Variants in SRD5A1 observed in about 807,000 individuals in gnomAD.
SRD5A1 encodes the protein 3-oxo-5-alpha-steroid 4-dehydrogenase 1.
A neutral mutation model predicts 28.2 loss-of-function variants in SRD5A1; 22 were observed. The observed-to-expected ratio is 0.78, with a 90% CI of 0.56 to 1.12. The LOEUF (loss-of-function observed/expected upper bound fraction) is 1.12, where lower values mean the gene tolerates loss of function less well. SRD5A1 is among the 50% of genes most tolerant of loss of function. The pLI is 0.00. For missense variants in SRD5A1, 300 were observed against 346.7 expected (o/e 0.87, Z 1.07); for synonymous variants, 151 against 135.0 (o/e 1.12, Z -0.82).
chr5:6,649,107 GA>G (rs1738589518), intron 1 of SRD5A1, among the ~76,000 whole-genome samples: 1 of 152,140 alleles, frequency 6.6e-6, no homozygotes, highest in South Asian at 2.1e-4. Flanking sequence ...CTTCATCCCA[GA>G]GGGGCACCCG....
At chr5:6,661,058 A>G (rs1200990039) in intron 3 of SRD5A1, among the ~76,000 whole-genome samples, 1 of 152,154 alleles carries the variant, frequency 6.6e-6, no homozygotes, top group Non-Finnish European at 1.5e-5. Flanking sequence ...CTTCAAGATG[A>G]GATTGGGTGG....
rs2126561053 is a variant in SRD5A1, at chr5:6,671,879, C to T, written c.*3611C>T. 1 of 152,332 alleles carries T rather than the reference C, an allele frequency of 6.6e-6. No individual in the cohort carries two copies. The highest frequency in any genetic ancestry group is 2.4e-5 in the African/African-American group (1 of 41,566). 9.4% of individuals were successfully genotyped at this position (152,332 alleles called of 1,614,324 possible). ...CCAGGTCCTCTCTCCACCACTGAGC[C>T]TCGTGGGGACATAAAGAGCTGCCTG... On this transcript the variant is annotated 3_prime_UTR_variant, in exon 5 of 5. Transcript: ENST00000274192.
intron 4 of SRD5A1, among the ~76,000 whole-genome samples, chr5:6,666,582 T>G (rs1020374526): frequency 6.6e-6 from 1 of 152,252 alleles, no homozygotes; most frequent in Non-Finnish European, 1.5e-5. Context: ...TGTGCTGGGT[T>G]GCTAACAAAT....
At chr5:6,647,744 A>G (rs370395232) in intron 1 of SRD5A1, among the ~76,000 whole-genome samples, 22 of 152,234 alleles carry the variant, frequency 1.4e-4, no homozygotes, top group South Asian at 1.2e-3. Flanking sequence ...GTGTCTTTTA[A>G]TTGGGGCATT....
At chr5:6,641,445 G>T (rs904310956) in intron 1 of SRD5A1, among the ~76,000 whole-genome samples, 6 of 152,216 alleles carry the variant, frequency 3.9e-5, no homozygotes, top group African/African-American at 1.4e-4. Flanking sequence ...CCTTGGAGCG[G>T]AGTGCTAGGT....
chr5:6,650,408 C>G (rs1293274327), intron 1 of SRD5A1, among the ~76,000 whole-genome samples: 2 of 136,270 alleles, frequency 1.5e-5, no homozygotes, highest in Non-Finnish European at 3.1e-5. Flanking sequence ...AAGACCCTGT[C>G]TTGAAAAAAA....
intron 1 of SRD5A1, among the ~76,000 whole-genome samples, chr5:6,650,495 A>G (rs1330297098): frequency 6.6e-6 from 1 of 152,040 alleles, no homozygotes; most frequent in Admixed American, 6.6e-5. Context: ...TGTGTTATAC[A>G]CTTATATTAA....
intron 3 of SRD5A1, among the ~76,000 whole-genome samples, chr5:6,661,602 G>A (rs1372221548): frequency 7.8e-5 from 11 of 141,328 alleles, no homozygotes; most frequent in African/African-American, 1.9e-4. Context: ...GCACGATCTC[G>A]GCTCATTGCA....
chr5:6,645,707 C>T (rs371434739), intron 1 of SRD5A1, among the ~76,000 whole-genome samples: 1 of 152,034 alleles, frequency 6.6e-6, no homozygotes, highest in Non-Finnish European at 1.5e-5. Context: ...TAATCATCAC[C>T]GCAAATCAAG....
chr5:6,662,903 A>G lies in SRD5A1; in HGVS notation c.650A>G (p.Gln217Arg). ...CGYALASWSV[Q>R]GAAFAFFTFC... ...TATGCCCTGGCCAGCTGGTCTGTCC[A>G]AGGCGCGGCTTTTGCTTTCTTCACG... Residue 217 changes from glutamine to arginine, a missense_variant, in exon 4 of 5, where the codon CAA becomes CGA. Around this residue, in one of 2 missense-constraint regions of SRD5A1, gnomAD observed 126 missense variants for 185.7 expected, o/e 0.68. Transcript: ENST00000274192. 1 of 1,613,940 alleles carries G rather than the reference A, an allele frequency of 6.2e-7. No homozygotes were observed. The highest frequency in any genetic ancestry group is 8.5e-7 in the Non-Finnish European group (1 of 1,180,040).
chr5:6,668,366 CT>C lies in SRD5A1; in HGVS notation c.*101del. Reference sequence around the variant, plus strand: ...TTATATCTTTGTAATTTTCCTGCTACTTTATCATTTTCAAGATGTCCTCTAG... The same window carrying C: ...TTATATCTTTGTAATTTTCCTGCTACTTATCATTTTCAAGATGTCCTCTAG... On this transcript the variant is annotated 3_prime_UTR_variant, in exon 5 of 5. Coordinates refer to ENST00000274192, the MANE Select transcript of SRD5A1 (RefSeq NM_001047.4). The C allele has an allele frequency of 1.3e-6, 1 of 766,992 alleles. No individual in the cohort carries two copies. The highest frequency in any genetic ancestry group is 2.0e-6 in the Non-Finnish European group (1 of 494,620). 47.5% of individuals were successfully genotyped at this position (766,992 alleles called of 1,614,324 possible). A position where few individuals can be genotyped will look rare whatever the true frequency, so the allele number is the denominator to read the frequency against.
rs1219842792 is a variant in SRD5A1, at chr5:6,671,069, A to G, written c.*2801A>G. On this transcript the variant is annotated 3_prime_UTR_variant, in exon 5 of 5. Transcript: ENST00000274192. ...AATGGTAGTTCTACTTTTAGTTCTAAGGAATTTCCACACTGTTTTCCATGG... is the reference window on the plus strand; with the variant it reads ...AATGGTAGTTCTACTTTTAGTTCTAGGGAATTTCCACACTGTTTTCCATGG... 6.6e-6 allele frequency: 1 copy of G among 152,184 alleles called. No homozygotes were observed. Among genetic ancestry groups the G allele is most frequent in the African/African-American group, 2.4e-5 (1 of 41,442 alleles). 9.4% of individuals were successfully genotyped at this position (152,184 alleles called of 1,614,324 possible). A position where few individuals can be genotyped will look rare whatever the true frequency, so the allele number is the denominator to read the frequency against.
At chr5:6,665,536 TTCC>T (rs1739144613) in intron 4 of SRD5A1, among the ~76,000 whole-genome samples, 1 of 152,212 alleles carries the variant, frequency 6.6e-6, no homozygotes, top group Non-Finnish European at 1.5e-5. Context: ...ACAATCTGAC[TTCC>T]TCCCCTCTGC....
chr5:6,646,109 C>T (rs1193024357), intron 1 of SRD5A1, among the ~76,000 whole-genome samples: 1 of 152,014 alleles, frequency 6.6e-6, no homozygotes, highest in Non-Finnish European at 1.5e-5. Context: ...GTTTTCTGTT[C>T]TTGTGATAGT....
chr5:6,640,333 A>G (rs1225773771), intron 1 of SRD5A1, among the ~76,000 whole-genome samples: 1 of 152,228 alleles, frequency 6.6e-6, no homozygotes, highest in African/African-American at 2.4e-5. Context: ...TTTATATTAT[A>G]TCTAAGCTTG....
intron 1 of SRD5A1, among the ~76,000 whole-genome samples, chr5:6,646,031 T>A (rs1221182304): frequency 6.6e-6 from 1 of 152,082 alleles, no homozygotes; most frequent in Non-Finnish European, 1.5e-5. Context: ...TGTGTGATGT[T>A]CCCCTCCCTG....
rs1241162270 is a variant in SRD5A1 at position 6,672,983 on chromosome 5, T to G, written c.*4715T>G. ...TTGTAAGGTAATTGACAGTCTGAGT[T>G]AGTTGCTTCCCCCACTGCAAAGCAG... On this transcript the variant is annotated 3_prime_UTR_variant, in exon 5 of 5. Transcript: ENST00000274192. 1 of 152,230 alleles carries G rather than the reference T, an allele frequency of 6.6e-6. No individual in the cohort carries two copies. Among genetic ancestry groups the G allele is most frequent in the Non-Finnish European group, 1.5e-5 (1 of 68,042 alleles). 9.4% of individuals were successfully genotyped at this position (152,230 alleles called of 1,614,324 possible).
At chr5:6,656,767 G>C (rs2126544113) in intron 3 of SRD5A1, among the ~76,000 whole-genome samples, 1 of 152,220 alleles carries the variant, frequency 6.6e-6, no homozygotes, top group South Asian at 2.1e-4. Context: ...GGACTCTCCT[G>C]GCCAGCAAAA....
intron 3 of SRD5A1, among the ~76,000 whole-genome samples, chr5:6,658,226 G>A (rs1215191660): frequency 6.6e-6 from 1 of 152,162 alleles, no homozygotes; most frequent in East Asian, 1.9e-4. Flanking sequence ...TTGGGAGGCT[G>A]AGACACGAGA....
Sources: allele counts gnomAD v4.1 joint callset (sites outside exome capture counted in the v4.1 genomes callset), GRCh38; gene constraint gnomAD v4.1.1; regional missense constraint gnomAD v4.1.1; transcripts MANE v1.5; gene names NCBI Gene and HGNC (gene_info 2026-07-23, HGNC 2026-07-21).